The following PID1 variants were observed in gnomAD, a reference collection of about 807,000 sequenced individuals.
PID1 encodes the protein phosphotyrosine interaction domain containing 1.
Under a neutral mutation model 19.1 loss-of-function variants are expected in PID1, and 10 were observed. The ratio of observed to expected loss-of-function variants is 0.52; its 90% CI spans 0.32 to 0.89. The LOEUF (loss-of-function observed/expected upper bound fraction) is 0.89. Among genes scored for constraint, PID1 ranks in the 40% least tolerant of loss-of-function variants. The pLI is 0.03. For synonymous variants in PID1, 130 were observed against 116.0 expected, an observed-to-expected ratio of 1.12 and a Z score of -0.78; for missense variants, 248 against 285.3, an observed-to-expected ratio of 0.87 and a Z score of 0.94.
At chr2:229,236,930 C>G (rs1362690832) in intron 1 of PID1, among the ~76,000 whole-genome samples, 1 of 151,054 alleles carries the variant, frequency 6.6e-6, no homozygotes, top group Non-Finnish European at 1.5e-5. Context: ...CATACTACAA[C>G]ATCAGGGTAG....
chr2:229,142,319 T>C (rs1690032654), intron 2 of PID1, among the ~76,000 whole-genome samples: 1 of 152,236 alleles, frequency 6.6e-6, no homozygotes, highest in Admixed American at 6.5e-5. Context: ...ATTAGCAAGT[T>C]AGAGAGGATT....
At chr2:229,134,696 G>A (rs191678054) in intron 2 of PID1, among the ~76,000 whole-genome samples, 3 of 151,146 alleles carry the variant, frequency 2.0e-5, no homozygotes, top group Admixed American at 1.3e-4. Flanking sequence ...ATTTTTTTTT[G>A]GCATAAAGAT....
intron 1 of PID1, among the ~76,000 whole-genome samples, chr2:229,179,181 C>A (rs1690887990): frequency 6.6e-6 from 1 of 152,120 alleles, no homozygotes; most frequent in Non-Finnish European, 1.5e-5. Flanking sequence ...TGCCCCTCCC[C>A]ATTCATACAG....
In PID1 at chr2:229,271,241, G is replaced by A. The variant is rs1690731264; in HGVS notation, c.-198C>T. 2.1e-6 allele frequency: 1 copy of A among 482,572 alleles called. No individual in the cohort carries two copies. Among genetic ancestry groups the A allele is most frequent in the African/African-American group, 2.1e-5 (1 of 48,294 alleles). The allele number at this position is 482,572 out of a possible 1,614,324, so 29.9% of individuals were successfully genotyped here. A position where few individuals can be genotyped will look rare whatever the true frequency, so the allele number is the denominator to read the frequency against. The stretch of plus-strand genomic sequence containing the variant: ...GGCGCTCAGCTGCCGGCAACTTGTG[G>A]GCACGGCCGCGCGCCGGCTGTCCTG... On this transcript the variant is annotated 5_prime_UTR_variant, in exon 1 of 3. Coordinates refer to ENST00000392055, the MANE Select transcript of PID1 (RefSeq NM_001100818.2).
intron 2 of PID1, among the ~76,000 whole-genome samples, chr2:229,103,039 G>T (rs1471215130): frequency 6.6e-6 from 1 of 152,210 alleles, no homozygotes; most frequent in East Asian, 1.9e-4. Flanking sequence ...TTGCTCATCA[G>T]ATATCAAATA....
At chr2:229,156,676 T>C (rs533775268) in intron 1 of PID1, among the ~76,000 whole-genome samples, 31 of 152,234 alleles carry the variant, frequency 2.0e-4, no homozygotes, top group African/African-American at 5.5e-4. Flanking sequence ...ATACAGAGAA[T>C]TGCCCCACCG....
At chr2:229,169,105 A>C (rs1690659749) in intron 1 of PID1, among the ~76,000 whole-genome samples, 1 of 151,742 alleles carries the variant, frequency 6.6e-6, no homozygotes, top group Admixed American at 6.6e-5. Flanking sequence ...GTTAGTATAA[A>C]CTCTCCTTGG....
chr2:229,060,519 G>C (rs1288490961), intron 2 of PID1, among the ~76,000 whole-genome samples: 2 of 152,094 alleles, frequency 1.3e-5, no homozygotes, highest in African/African-American at 4.8e-5. Flanking sequence ...CCATTCATCT[G>C]ATGATGGACA....
chr2:229,039,647 A>G (rs981772269), intron 2 of PID1, among the ~76,000 whole-genome samples: 2 of 152,236 alleles, frequency 1.3e-5, no homozygotes, highest in Non-Finnish European at 2.9e-5. Flanking sequence ...CTTATTTAAA[A>G]TATCTACTCG....
At chr2:229,098,406 G>T (rs1432975402) in intron 2 of PID1, among the ~76,000 whole-genome samples, 1 of 152,128 alleles carries the variant, frequency 6.6e-6, no homozygotes, top group African/African-American at 2.4e-5. Context: ...TTTATGACAG[G>T]ACTTCTCAGA....
intron 2 of PID1, among the ~76,000 whole-genome samples, chr2:229,041,851 G>C (rs1338177635): frequency 6.6e-6 from 1 of 151,458 alleles, no homozygotes; most frequent in Non-Finnish European, 1.5e-5. Context: ...AAAGTATAAA[G>C]GTCAGAAAGA....
chr2:229,176,200 AT>A (rs1690820122), intron 1 of PID1, among the ~76,000 whole-genome samples: 1 of 152,190 alleles, frequency 6.6e-6, no homozygotes, highest in African/African-American at 2.4e-5. Flanking sequence ...AGATTAGCAA[AT>A]TGAATTATAA....
At chr2:229,038,131 A>G (rs1693700460) in intron 2 of PID1, among the ~76,000 whole-genome samples, 1 of 152,212 alleles carries the variant, frequency 6.6e-6, no homozygotes, top group Non-Finnish European at 1.5e-5. Context: ...GTAAGCAACC[A>G]GTGGAGATTT....
chr2:229,203,472 G>A (rs1410153816), intron 1 of PID1, among the ~76,000 whole-genome samples: 2 of 151,580 alleles, frequency 1.3e-5, no homozygotes, highest in East Asian at 2.0e-4. Context: ...AAAAAAAATG[G>A]TTTTACTATA....
At chr2:229,215,246 G>A (rs6718171) in intron 1 of PID1, among the ~76,000 whole-genome samples, 5,446 of 152,282 alleles carry the variant, frequency 0.036, 284 homozygotes, top group African/African-American at 0.12. Context: ...AACTGAATGA[G>A]GCTGAACACT....
intron 1 of PID1, among the ~76,000 whole-genome samples, chr2:229,156,469 T>A (rs542147480): frequency 1.3e-5 from 2 of 152,316 alleles, no homozygotes; most frequent in East Asian, 1.9e-4. Context: ...CAGACCATTT[T>A]TATCTGCTGT....
intron 2 of PID1, among the ~76,000 whole-genome samples, chr2:229,084,157 T>C (rs1230211832): frequency 6.6e-6 from 1 of 152,174 alleles, no homozygotes; most frequent in African/African-American, 2.4e-5. Context: ...ACTAGAACTA[T>C]ACACGAGGAG....
At chr2:229,201,835 T>C (rs1369151016) in intron 1 of PID1, among the ~76,000 whole-genome samples, 1 of 152,046 alleles carries the variant, frequency 6.6e-6, no homozygotes, top group Non-Finnish European at 1.5e-5. Context: ...TGTCGGGTAG[T>C]ATCTCACTAA....
At chr2:229,138,371 T>C (rs556157427) in intron 2 of PID1, among the ~76,000 whole-genome samples, 4 of 152,274 alleles carry the variant, frequency 2.6e-5, no homozygotes, top group Non-Finnish European at 4.4e-5. Context: ...CAAAATCTGA[T>C]TGAAATCCCT....
Sources: allele counts gnomAD v4.1 joint callset (sites outside exome capture counted in the v4.1 genomes callset), GRCh38; gene constraint gnomAD v4.1.1; transcripts MANE v1.5; gene names NCBI Gene and HGNC (gene_info 2026-07-23, HGNC 2026-07-21).